The following SLC14A2 variants were observed in gnomAD, a reference collection of about 807,000 sequenced individuals.
The protein encoded by SLC14A2 is solute carrier family 14 member 2, also known as urea transporter 2.
SLC14A2 carries 91 observed loss-of-function variants against 104.6 expected under a neutral mutation model. The ratio of observed to expected loss-of-function variants is 0.87; its 90% CI spans 0.73 to 1.04. The LOEUF is 1.04. Among genes scored for constraint, SLC14A2 ranks in the 50% least tolerant of loss-of-function variants. The probability of loss-of-function intolerance (pLI) is 0.00; values close to 1 mark genes in which losing one functional copy is unlikely to be tolerated. For missense variants in SLC14A2, 1,189 were observed against 1,156.0 expected (o/e 1.03, Z -0.41); for synonymous variants, 476 against 466.4 (o/e 1.02, Z -0.27).
intron 1 of SLC14A2, among the ~76,000 whole-genome samples, chr18:45,332,032 A>G (rs920127535): frequency 2.0e-5 from 3 of 152,196 alleles, no homozygotes; most frequent in Non-Finnish European, 4.4e-5. Flanking sequence ...AGCTATTTGT[A>G]AAGAATAAAT....
intron 1 of SLC14A2, among the ~76,000 whole-genome samples, chr18:45,470,760 A>G (rs991150750): frequency 2.6e-5 from 4 of 152,140 alleles, no homozygotes; most frequent in East Asian, 1.9e-4. Context: ...TTAATTAATC[A>G]TGATGATGAC....
At chr18:45,528,784 T>C (rs2144826210) in intron 2 of SLC14A2, 1 of 152,352 alleles carries the variant, frequency 6.6e-6, no homozygotes, top group East Asian at 1.9e-4. Flanking sequence ...ATGGCTGCTA[T>C]CAATTCTTCC....
intron 2 of SLC14A2, among the ~76,000 whole-genome samples, chr18:45,573,979 T>G (rs1280267620): frequency 6.6e-6 from 1 of 152,232 alleles, no homozygotes; most frequent in African/African-American, 2.4e-5. Flanking sequence ...AAATATGTAT[T>G]CACATGGCTG....
chr18:45,419,720 G>A (rs2086320230), intron 1 of SLC14A2, among the ~76,000 whole-genome samples: 2 of 151,692 alleles, frequency 1.3e-5, no homozygotes, highest in African/African-American at 4.8e-5. Context: ...GTTGCAGTGG[G>A]CTGAGATCAC....
intron 1 of SLC14A2, among the ~76,000 whole-genome samples, chr18:45,464,569 A>G (rs2087105527): frequency 6.6e-6 from 1 of 152,230 alleles, no homozygotes; most frequent in Non-Finnish European, 1.5e-5. Context: ...GCAGATGTTC[A>G]GGTGGAGAGG....
chr18:45,179,492 G>T, the SLC14A2 span, among the ~76,000 whole-genome samples: 14 of 151,430 alleles, frequency 9.2e-5, no homozygotes, highest in Middle Eastern at 3.4e-3. Context: ...AAAACACAGG[G>T]TTCTTCCTAA....
chr18:45,668,248 G>A (rs1404375451), intron 14 of SLC14A2, 101 bp from the exon 15 acceptor site: 1 of 1,487,046 alleles, frequency 6.7e-7, no homozygotes, highest in East Asian at 2.3e-5. Flanking sequence ...ATTTGAAGGC[G>A]TGTGTAGTCA....
At chr18:45,273,065 C>T (rs113247482) in intron 1 of SLC14A2, among the ~76,000 whole-genome samples, 2,789 of 152,116 alleles carry the variant, frequency 0.018, 45 homozygotes, top group Non-Finnish European at 0.027. Flanking sequence ...TTTTTTTTCA[C>T]TCATCTATCT....
At chr18:45,193,229 G>T in the SLC14A2 span, among the ~76,000 whole-genome samples, 2 of 152,122 alleles carry the variant, frequency 1.3e-5, no homozygotes, top group Non-Finnish European at 2.9e-5. Context: ...AGCAACATCT[G>T]TAATTATTAT....
intron 2 of SLC14A2, among the ~76,000 whole-genome samples, chr18:45,560,590 G>A (rs1359479996): frequency 2.0e-5 from 3 of 152,062 alleles, no homozygotes; most frequent in Admixed American, 6.5e-5. Context: ...TGCATTCTAA[G>A]GGAACTTATA....
chr18:45,347,509 C>T (rs1290969277), intron 1 of SLC14A2, among the ~76,000 whole-genome samples: 1 of 152,178 alleles, frequency 6.6e-6, no homozygotes, highest in Admixed American at 6.5e-5. Context: ...TTCCATCCTT[C>T]CTCTATAAAT....
rs187063698 is a variant in SLC14A2 at position 45,523,936 on chromosome 18, T to A, written c.-35+40614T>A. Among the ~76,000 whole-genome samples the A allele has an allele frequency of 4.5e-4, 68 of 152,314 alleles. No individual in the cohort carries two copies. The Middle Eastern group carries it at 0.014, about 30-fold the overall frequency. ...TTGTCATCATTTTCAGATAAGAGAATGAGAGATGCAGAAAAATTAAGAAAG... is the reference window on the plus strand; with the variant it reads ...TTGTCATCATTTTCAGATAAGAGAAAGAGAGATGCAGAAAAATTAAGAAAG... On this transcript the variant is annotated intron_variant, in intron 2 of 20. Transcript: ENST00000586448.
chr18:45,524,128 G>GTCCTTAGTGGGTGCTCAATAAGTGA (rs1194913341), intron 2 of SLC14A2, among the ~76,000 whole-genome samples: 79 of 152,192 alleles, frequency 5.2e-4, no homozygotes, highest in Non-Finnish European at 4.3e-4. Context: ...ATGGAGCCTG[G>GTCCTTAGTGGGTGCTCAATAAGTGA]TCCTTAGTGG....
At chr18:45,468,775 G>A (rs933508840) in intron 1 of SLC14A2, among the ~76,000 whole-genome samples, 1 of 152,196 alleles carries the variant, frequency 6.6e-6, no homozygotes, top group African/African-American at 2.4e-5. Flanking sequence ...CCTGCTAAAT[G>A]ACATGTACAA....
intron 1 of SLC14A2, among the ~76,000 whole-genome samples, chr18:45,384,863 A>G (rs2085877764): frequency 6.6e-6 from 1 of 152,220 alleles, no homozygotes; most frequent in Non-Finnish European, 1.5e-5. Context: ...AAGTTCCTCT[A>G]TGACTTCAGT....
chr18:45,621,024 C>G (rs190526222), intron 1 of SLC14A2, among the ~76,000 whole-genome samples: 1 of 152,318 alleles, frequency 6.6e-6, no homozygotes, highest in African/African-American at 2.4e-5. Context: ...CGGAACATAT[C>G]TAGTTCATCC....
chr18:45,669,490 G>A lies in SLC14A2; in HGVS notation c.2221G>A (p.Val741Met). Residue 741 changes from valine to methionine, a missense_variant, in exon 16 of 20, where the codon GTG becomes ATG. Val to Met is a conservative substitution (Grantham distance 21). Coordinates refer to ENST00000255226, the MANE Select transcript of SLC14A2 (RefSeq NM_007163.4). ...MPNITWSEVQ[V>M]PLLLRAIPVG... ...CAACATCACCTGGTCAGAGGTCCAA[G>A]TGCCCTTGGTACGTATCATGGAAGG... is the stretch of plus-strand genomic sequence containing the variant. The A allele has an allele frequency of 1.2e-6, 2 of 1,613,282 alleles. No individual in the cohort carries two copies. Among genetic ancestry groups the A allele is most frequent in the Non-Finnish European group, 1.7e-6 (2 of 1,179,432 alleles).
At chr18:45,425,795 C>A (rs1359514721) in intron 1 of SLC14A2, among the ~76,000 whole-genome samples, 2 of 152,178 alleles carry the variant, frequency 1.3e-5, no homozygotes, top group Non-Finnish European at 2.9e-5. Context: ...TCTACAGATT[C>A]TCAAAGCAAT....
intron 2 of SLC14A2, among the ~76,000 whole-genome samples, chr18:45,580,850 C>T (rs1449340779): frequency 6.6e-6 from 1 of 152,218 alleles, no homozygotes; most frequent in Admixed American, 6.5e-5. Flanking sequence ...AGGGATTCAA[C>T]TTTAAGATGA....
Sources: allele counts gnomAD v4.1 joint callset (sites outside exome capture counted in the v4.1 genomes callset), GRCh38; gene constraint gnomAD v4.1.1; transcripts MANE v1.5; gene names NCBI Gene and HGNC (gene_info 2026-07-23, HGNC 2026-07-21).